The following SUSD1 variants were observed in gnomAD, a reference collection of about 807,000 sequenced individuals.
The protein encoded by SUSD1 is sushi domain-containing protein 1.
SUSD1 carries 65 observed loss-of-function variants against 86.9 expected under a neutral mutation model. That is an observed-to-expected ratio of 0.75 (90% CI 0.61 to 0.92). The LOEUF (loss-of-function observed/expected upper bound fraction) is 0.92, where lower values mean the gene tolerates loss of function less well. Among genes scored for constraint, SUSD1 ranks in the 40% least tolerant of loss-of-function variants. The pLI is 0.00. For missense variants in SUSD1, 850 were observed against 929.7 expected (o/e 0.91, Z 1.11); for synonymous variants, 346 against 350.0 (o/e 0.99, Z 0.13).
rs752203674 is a variant in SUSD1, at chr9:112,078,751, G to A, written c.1567-27C>T. On this transcript the variant is annotated intron_variant, in intron 11 of 16. Coordinates refer to ENST00000374270, the MANE Select transcript of SUSD1 (RefSeq NM_022486.5). ...TGAAACATAAAAAAGCTCACTGGGT[G>A]AATGGTTGGCCTAAAAGGCTTTAGA... 1.9e-6 allele frequency: 3 copies of A among 1,596,896 alleles called. No homozygotes were observed. In the South Asian group the frequency reaches 3.3e-5, roughly 18 times the overall value.
At chr9:112,104,195 C>A (rs1830741535) in intron 8 of SUSD1, among the ~76,000 whole-genome samples, 1 of 151,660 alleles carries the variant, frequency 6.6e-6, no homozygotes, top group African/African-American at 2.4e-5. Flanking sequence ...TTGGGGGTTT[C>A]TTTTGTAGAA....
intron 5 of SUSD1, among the ~76,000 whole-genome samples, chr9:112,131,312 A>C (rs1322293475): frequency 6.6e-6 from 1 of 152,238 alleles, no homozygotes; most frequent in Non-Finnish European, 1.5e-5. Flanking sequence ...ATAAGCATTC[A>C]AGTCAGTCTG....
chr9:112,145,875 G>A (rs1309464988), intron 3 of SUSD1: 1 of 152,112 alleles, frequency 6.6e-6, no homozygotes, highest in Non-Finnish European at 1.5e-5. Flanking sequence ...GCAGTTCTAA[G>A]GGCCAGAACA....
At chr9:112,054,410 C>A (rs991903468) in intron 14 of SUSD1, among the ~76,000 whole-genome samples, 1 of 151,946 alleles carries the variant, frequency 6.6e-6, no homozygotes, top group African/African-American at 2.4e-5. Context: ...CACAGGGAGA[C>A]CCCATCTCTA....
At position 112,051,493 on chromosome 9, in the gene SUSD1, G is replaced by A. The variant is rs747037393; in HGVS notation, c.2149+906C>T. Among the ~76,000 whole-genome samples, 133 of 147,330 alleles carry A rather than the reference G, an allele frequency of 9.0e-4. 1 individual carries two copies. Among genetic ancestry groups the A allele is most frequent in the African/African-American group, 7.3e-4 (29 of 39,932 alleles). On this transcript the variant is annotated intron_variant, in intron 15 of 16. Transcript: ENST00000374270. ...GTTGCCCAGGCTGGAGTACAATGGC[G>A]CGATCTCGGCTCACCGCAACCTTTG...
At chr9:112,078,792 C>G (rs1216467689) in intron 11 of SUSD1, 68 bp from the exon 12 acceptor site, 2 of 1,308,324 alleles carry the variant, frequency 1.5e-6, no homozygotes, top group African/African-American at 3.1e-5. Context: ...TGAAACCTCC[C>G]CTTTTCCTTT....
intron 12 of SUSD1, among the ~76,000 whole-genome samples, chr9:112,067,806 C>T (rs1829055703): frequency 6.6e-6 from 1 of 151,960 alleles, no homozygotes. Flanking sequence ...ATGAATGCCT[C>T]CCCCCCAATC....
At chr9:112,055,400 C>A (rs1159642389) in intron 14 of SUSD1, among the ~76,000 whole-genome samples, 2 of 152,136 alleles carry the variant, frequency 1.3e-5, no homozygotes, top group African/African-American at 2.4e-5. Context: ...GCACTTCAGC[C>A]TGGTAAACAA....
chr9:112,137,146 C>T (rs114594582), intron 5 of SUSD1, among the ~76,000 whole-genome samples: 1 of 152,098 alleles, frequency 6.6e-6, no homozygotes, highest in Non-Finnish European at 1.5e-5. Flanking sequence ...ACTTACACAC[C>T]TTAAAGAGCT....
In SUSD1 at chr9:112,143,499, G is replaced by A. The variant is rs1361679078; in HGVS notation, c.498C>T (p.His166=). Reference sequence around the variant, plus strand: ...TGCATGATGTGGCATCGGTGGTCGGGTGGAAAGGTTCAGGTCCATTCCTTG... The same window carrying A: ...TGCATGATGTGGCATCGGTGGTCGGATGGAAAGGTTCAGGTCCATTCCTTG... ...YLPRNGPEPF[H]PTTDATSCTE... The change falls in exon 4 of 17, where the codon CAC becomes CAT. Residue 166 remains histidine, a synonymous_variant. Transcript: ENST00000374270. 3.1e-6 allele frequency: 5 copies of A among 1,613,822 alleles called. No homozygotes were observed. The highest frequency in any genetic ancestry group is 4.2e-6 in the Non-Finnish European group (5 of 1,179,936).
intron 14 of SUSD1, among the ~76,000 whole-genome samples, chr9:112,055,766 C>G (rs1828419984): frequency 6.6e-6 from 1 of 152,082 alleles, no homozygotes; most frequent in Non-Finnish European, 1.5e-5. Context: ...CATTATTCAT[C>G]CATGAATAAA....
intron 10 of SUSD1, among the ~76,000 whole-genome samples, chr9:112,090,092 C>G (rs1830145837): frequency 6.6e-6 from 1 of 151,950 alleles, no homozygotes; most frequent in Non-Finnish European, 1.5e-5. Context: ...AAACCAAAAT[C>G]TTAGAAAAAC....
At chr9:112,141,788 CATATATTGT>C (rs1286419526) in intron 5 of SUSD1, among the ~76,000 whole-genome samples, 3 of 139,336 alleles carry the variant, frequency 2.2e-5, no homozygotes, top group South Asian at 2.2e-4. Flanking sequence ...TAATATATTA[CATATATTGT>C]ATATATTGTA....
At chr9:112,157,955 C>T (rs962261007) in intron 1 of SUSD1, among the ~76,000 whole-genome samples, 3 of 151,690 alleles carry the variant, frequency 2.0e-5, no homozygotes, top group African/African-American at 7.3e-5. Context: ...TCCCAAGTAG[C>T]TGGGACTATA....
intron 15 of SUSD1, among the ~76,000 whole-genome samples, chr9:112,046,800 C>G (rs1827974545): frequency 6.6e-6 from 1 of 151,992 alleles, no homozygotes; most frequent in African/African-American, 2.4e-5. Flanking sequence ...CCATTCAGAG[C>G]CAAAGATGGC....
chr9:112,092,672 G>T (rs1446703162), intron 10 of SUSD1, among the ~76,000 whole-genome samples: 1 of 151,942 alleles, frequency 6.6e-6, no homozygotes, highest in Non-Finnish European at 1.5e-5. Context: ...ACCCATGCAG[G>T]TCACTTAAAG....
At chr9:112,110,910 C>T (rs35963352) in intron 8 of SUSD1, among the ~76,000 whole-genome samples, 240 of 152,306 alleles carry the variant, frequency 1.6e-3, no homozygotes, top group Middle Eastern at 6.8e-3. Flanking sequence ...CCACTCTCAA[C>T]TTGATCTCTT....
intron 1 of SUSD1, among the ~76,000 whole-genome samples, chr9:112,165,767 T>C (rs1240394557): frequency 7.3e-6 from 1 of 137,066 alleles, no homozygotes; most frequent in Non-Finnish European, 1.5e-5. Context: ...TTTATTTAGA[T>C]GAGATACACA....
chr9:112,165,295 A>G (rs1833735202), intron 1 of SUSD1, among the ~76,000 whole-genome samples: 1 of 152,030 alleles, frequency 6.6e-6, no homozygotes, highest in Non-Finnish European at 1.5e-5. Context: ...TATCCTCTGT[A>G]TTATAAACAA....
Sources: gnomAD v4.1 joint callset for allele counts (sites outside exome capture counted in the v4.1 genomes callset) on GRCh38, gnomAD v4.1.1 for gene constraint, MANE v1.5 for transcripts, NCBI Gene and HGNC (gene_info 2026-07-23, HGNC 2026-07-21) for gene names.